XRRA1: variants seen among roughly 807,000 people sequenced by gnomAD.
XRRA1 encodes X-ray radiation resistance associated 1.
A neutral mutation model predicts 80.2 loss-of-function variants in XRRA1; 69 were observed. The observed-to-expected ratio is 0.86, with a 90% CI of 0.71 to 1.05. The LOEUF is 1.05. Among genes scored for constraint, XRRA1 ranks in the 50% least tolerant of loss-of-function variants. The pLI, the probability that XRRA1 is intolerant of heterozygous loss-of-function variation, is 0.00. For synonymous variants in XRRA1, 348 were observed against 389.9 expected, an observed-to-expected ratio of 0.89 and a Z score of 1.27; for missense variants, 967 against 976.4, an observed-to-expected ratio of 0.99 and a Z score of 0.13.
intron 4 of XRRA1, among the ~76,000 whole-genome samples, chr11:74,934,522 A>C (rs996336376): frequency 1.3e-5 from 2 of 152,236 alleles, no homozygotes; most frequent in Admixed American, 6.5e-5. Context: ...TTAAAGGAGA[A>C]ATTTAAGATG....
chr11:74,927,761 C>G lies in XRRA1; in HGVS notation c.425-273G>C, dbSNP rs552792386. ...AAGAATTGAATCTAAGTCTGCTCAA[C>G]AGCAAAGCCCATTTTAAAAATTATC... On this transcript the variant is annotated intron_variant, in intron 6 of 18. Coordinates refer to ENST00000684022, the MANE Select transcript of XRRA1 (RefSeq NM_001378157.1). Among the ~76,000 whole-genome samples, 149 of 152,284 alleles carry G rather than the reference C, an allele frequency of 9.8e-4. 1 individual carries two copies. Among genetic ancestry groups the G allele is most frequent in the African/African-American group, 3.5e-3 (145 of 41,564 alleles).
intron 13 of XRRA1, among the ~76,000 whole-genome samples, chr11:74,851,442 GAT>G (rs1249348355): frequency 3.3e-5 from 5 of 152,154 alleles, no homozygotes; most frequent in African/African-American, 1.2e-4. Flanking sequence ...AGATAATAAA[GAT>G]AGTGTGGAGT....
intron 10 of XRRA1, among the ~76,000 whole-genome samples, chr11:74,902,561 T>C (rs2053761834): frequency 6.6e-6 from 1 of 152,210 alleles, no homozygotes; most frequent in Non-Finnish European, 1.5e-5. Flanking sequence ...GTGGTACATA[T>C]ATACAATGGA....
intron 12 of XRRA1, among the ~76,000 whole-genome samples, chr11:74,856,101 C>T (rs558090309): frequency 9.8e-5 from 15 of 152,310 alleles, no homozygotes; most frequent in Admixed American, 2.0e-4. Context: ...CACTGCACTC[C>T]GGCCTGGGCT....
intron 4 of XRRA1, 69 bp downstream of exon 4, chr11:74,936,815 C>G (rs1945103513): frequency 2.0e-6 from 3 of 1,508,436 alleles, no homozygotes; most frequent in Non-Finnish European, 2.7e-6. Flanking sequence ...CAGAGCAGGG[C>G]AAATCCTTCC....
At chr11:74,924,423 G>A (rs550232662) in intron 7 of XRRA1, among the ~76,000 whole-genome samples, 6 of 150,052 alleles carry the variant, frequency 4.0e-5, no homozygotes, top group African/African-American at 7.4e-5. Flanking sequence ...GCAGTGAGTC[G>A]AGATCGCGCC....
chr11:74,943,439 A>C (rs1194920811), intron 2 of XRRA1, among the ~76,000 whole-genome samples: 1 of 152,052 alleles, frequency 6.6e-6, no homozygotes, highest in Non-Finnish European at 1.5e-5. Flanking sequence ...TTTACCGAGG[A>C]CTTGCAAACA....
At chr11:74,902,425 A>C (rs2053727006) in intron 10 of XRRA1, among the ~76,000 whole-genome samples, 1 of 152,324 alleles carries the variant, frequency 6.6e-6, no homozygotes, top group Non-Finnish European at 1.5e-5. Flanking sequence ...GTATATACCC[A>C]AAAGAAGGGA....
chr11:74,882,767 C>G (rs528233143), intron 10 of XRRA1, among the ~76,000 whole-genome samples: 2 of 152,224 alleles, frequency 1.3e-5, no homozygotes, highest in Non-Finnish European at 2.9e-5. Context: ...GAGTACCCTG[C>G]CGTGTGAGGT....
rs78728865 is a variant in XRRA1, at chr11:74,909,335, C to G, written c.657-2062G>C. On this transcript the variant is annotated intron_variant, in intron 8 of 18. Transcript: ENST00000684022. ...CTTTCATACATTGAATTTTTAATCT[C>G]TATCTGAGCTATTACAGAACAGTGC... Among the ~76,000 whole-genome samples, 1,083 of 152,298 alleles carry G rather than the reference C, an allele frequency of 7.1e-3. 9 individuals are homozygous for G. Among genetic ancestry groups the G allele is most frequent in the African/African-American group, 0.025 (1,037 of 41,558 alleles).
chr11:74,885,999 G>C (rs1013293971), intron 10 of XRRA1, among the ~76,000 whole-genome samples: 1 of 152,246 alleles, frequency 6.6e-6, no homozygotes, highest in Admixed American at 6.5e-5. Flanking sequence ...AAATGCTTTT[G>C]ATAAAATTCA....
At chr11:74,932,847 C>G (rs1312143849) in intron 5 of XRRA1, among the ~76,000 whole-genome samples, 1 of 152,172 alleles carries the variant, frequency 6.6e-6, no homozygotes, top group Non-Finnish European at 1.5e-5. Flanking sequence ...GAAGCAGAAC[C>G]CTGTTAAAGG....
intron 10 of XRRA1, among the ~76,000 whole-genome samples, chr11:74,900,406 A>C (rs2053351023): frequency 6.6e-6 from 1 of 151,774 alleles, no homozygotes; most frequent in Admixed American, 6.6e-5. Flanking sequence ...AACATGGAGA[A>C]ACCCCATGTC....
At chr11:74,948,430 G>T (rs994246386) in intron 1 of XRRA1, among the ~76,000 whole-genome samples, 1 of 152,140 alleles carries the variant, frequency 6.6e-6, no homozygotes, top group African/African-American at 2.4e-5. Flanking sequence ...GTAGCAACCA[G>T]GTCTATCTTG....
chr11:74,843,053 TGCCACCTTGTG>T lies in XRRA1; in HGVS notation c.*136_*146del, dbSNP rs2036817808. ...AGGAGGGGAGATCCTGACAAGGGGATGCCACCTTGTGGCCAGCAAGTGGGGCCCAGCTGAGC... is the reference window on the plus strand; with the variant it reads ...AGGAGGGGAGATCCTGACAAGGGGATGCCAGCAAGTGGGGCCCAGCTGAGC... On this transcript the variant is annotated 3_prime_UTR_variant, in exon 19 of 19. Coordinates refer to ENST00000684022, the MANE Select transcript of XRRA1 (RefSeq NM_001378157.1). The T allele has an allele frequency of 1.8e-6, 2 of 1,113,824 alleles. No homozygotes were observed. Among genetic ancestry groups the T allele is most frequent in the Non-Finnish European group, 2.5e-6 (2 of 806,006 alleles). 69.0% of individuals were successfully genotyped at this position (1,113,824 alleles called of 1,614,324 possible).
At chr11:74,898,510 A>G (rs1296597232) in intron 10 of XRRA1, among the ~76,000 whole-genome samples, 1 of 125,858 alleles carries the variant, frequency 7.9e-6, no homozygotes, top group African/African-American at 2.5e-5. Flanking sequence ...TGCCTACAAG[A>G]AACACACCTC....
intron 10 of XRRA1, among the ~76,000 whole-genome samples, chr11:74,884,005 C>G (rs1337032049): frequency 1.3e-5 from 2 of 152,064 alleles, no homozygotes; most frequent in African/African-American, 4.8e-5. Context: ...TGAGACCAGC[C>G]TGGGCTAACA....
intron 2 of XRRA1, 120 bp from the exon 3 acceptor site, chr11:74,941,002 C>CAGGGTGTCGGAGGCAGG: frequency 2.9e-6 from 2 of 691,788 alleles, no homozygotes; most frequent in Non-Finnish European, 5.0e-6. Context: ...ACCCTGCCTC[C>CAGGGTGTCGGAGGCAGG]GACACCCTGG....
chr11:74,901,668 G>A (rs1219779084), intron 10 of XRRA1, among the ~76,000 whole-genome samples: 1 of 152,108 alleles, frequency 6.6e-6, no homozygotes, highest in Admixed American at 6.6e-5. Context: ...TTCGACAAGG[G>A]TGCCAAGAAC....
Sources: allele counts gnomAD v4.1 joint callset (sites outside exome capture counted in the v4.1 genomes callset), GRCh38; gene constraint gnomAD v4.1.1; transcripts MANE v1.5; gene names NCBI Gene and HGNC (gene_info 2026-07-23, HGNC 2026-07-21).